The following AKAP13 variants were observed in gnomAD, a reference collection of about 807,000 sequenced individuals.
AKAP13 encodes the protein A-kinase anchor protein 13.
A neutral mutation model predicts 264.5 loss-of-function variants in AKAP13; 80 were observed. The ratio of observed to expected loss-of-function variants is 0.30; its 90% CI spans 0.25 to 0.36. The LOEUF (loss-of-function observed/expected upper bound fraction) is 0.36, where lower values mean the gene tolerates loss of function less well. AKAP13 is among the 10% of genes least tolerant of loss of function. The pLI is 1.00. For synonymous variants in AKAP13, 1,380 were observed against 1,250.2 expected (o/e 1.10, Z -2.19); for missense variants, 3,712 against 3,435.2 (o/e 1.08, Z -2.01).
chr15:85,712,026 G>T (rs984147568), intron 19 of AKAP13, among the ~76,000 whole-genome samples: 1 of 152,210 alleles, frequency 6.6e-6, no homozygotes, highest in South Asian at 2.1e-4. Context: ...TAGAGACGGG[G>T]TCTCACTACG....
intron 1 of AKAP13, among the ~76,000 whole-genome samples, chr15:85,416,285 C>T (rs188771629): frequency 2.0e-5 from 3 of 152,192 alleles, no homozygotes; most frequent in Admixed American, 2.0e-4. Flanking sequence ...TAAAAGATGT[C>T]CTGTTTCAGT....
intron 35 of AKAP13, among the ~76,000 whole-genome samples, chr15:85,742,739 C>T (rs2089127329): frequency 3.3e-5 from 5 of 152,188 alleles, no homozygotes; most frequent in Admixed American, 3.3e-4. Context: ...CCTGGGTGTA[C>T]ACAGATCTGC....
chr15:85,673,223 G>T (rs2084015605), intron 14 of AKAP13, among the ~76,000 whole-genome samples: 3 of 152,140 alleles, frequency 2.0e-5, no homozygotes, highest in African/African-American at 7.2e-5. Context: ...AAAATCTACT[G>T]ATGTAAAGGA....
At chr15:85,398,083 TC>T (rs1399920634) in intron 1 of AKAP13, among the ~76,000 whole-genome samples, 2 of 152,208 alleles carry the variant, frequency 1.3e-5, no homozygotes, top group African/African-American at 4.8e-5. Context: ...TGAACATGGA[TC>T]TTACTCTAGA....
At chr15:85,558,131 A>T (rs888187146) in intron 5 of AKAP13, among the ~76,000 whole-genome samples, 1 of 152,228 alleles carries the variant, frequency 6.6e-6, no homozygotes, top group African/African-American at 2.4e-5. Flanking sequence ...AGTTAAAAAA[A>T]ATCTGATCGC....
At position 85,521,560 on chromosome 15, in the gene AKAP13, G is replaced by A. The variant is rs750576509; in HGVS notation, c.166G>A (p.Glu56Lys). The A allele has an allele frequency of 1.2e-6, 2 of 1,613,980 alleles. No homozygotes were observed. The highest frequency in any genetic ancestry group is 3.3e-5 in the Admixed American group (2 of 60,000). ...STRKVSSDTL[E>K]TIAPGHDCCE... is the part of the protein sequence containing the mutation. ...TCGGAAGGTCAGTTCTGATACATTG[G>A]AGACCATTGCTCCTGGTAAGTATTT... Residue 56 changes from glutamate (E) to lysine (K), a missense_variant, in exon 3 of 37, where the codon GAG (glutamate) becomes AAG (lysine). By Grantham distance (56) the Glu-to-Lys change is moderately conservative. This residue lies in a region of AKAP13 where 2,759 missense variants were observed against 2,411.7 expected (regional missense o/e 1.14). Transcript: ENST00000394518.
rs186351542 is a variant in AKAP13 at position 85,746,533 on chromosome 15, C to G, written c.*1856C>G. 3.5e-4 allele frequency: 53 copies of G among 152,030 alleles called. No individual in the cohort carries two copies. The highest frequency in any genetic ancestry group is 9.2e-4 in the African/African-American group (38 of 41,478). The allele number at this position is 152,030 out of a possible 1,614,324, so 9.4% of individuals were successfully genotyped here. A position where few individuals can be genotyped will look rare whatever the true frequency, so the allele number is the denominator to read the frequency against. On this transcript the variant is annotated 3_prime_UTR_variant, in exon 37 of 37. Coordinates refer to ENST00000394518, the MANE Select transcript of AKAP13 (RefSeq NM_007200.5). The stretch of plus-strand genomic sequence containing the variant: ...TCCCTTGTTTGAGAATGAAGAAACT[C>G]GCCACCTCTGACCTACCTTTGCCTT...
At chr15:85,479,055 G>A (rs1165652809) in intron 1 of AKAP13, among the ~76,000 whole-genome samples, 1 of 152,222 alleles carries the variant, frequency 6.6e-6, no homozygotes, top group Non-Finnish European at 1.5e-5. Context: ...AAGCATTCAT[G>A]AGGGTCTTGT....
chr15:85,581,541 A>G lies in AKAP13; in HGVS notation c.3473A>G (p.Glu1158Gly), dbSNP rs2079142318. Reference protein sequence around the residue: ...GTPEMIPLDWEKGKLEGADHS... With the variant: ...GTPEMIPLDWGKGKLEGADHS... ...CCAGAGATGATACCTCTTGATTGGG[A>G]GAAAGGGAAGCTGGAGGGAGCAGAC... Residue 1158 changes from glutamate to glycine, a missense_variant, in exon 7 of 37, where the codon GAG (glutamate) becomes GGG (glycine). By Grantham distance (98) the Glu-to-Gly change is moderately conservative. Around this residue, in one of 3 missense-constraint regions of AKAP13, gnomAD observed 2,759 missense variants for 2,411.7 expected, o/e 1.14. Transcript: ENST00000394518. 3 of 1,613,998 alleles carry G rather than the reference A, an allele frequency of 1.9e-6. No homozygotes were observed. Among genetic ancestry groups the G allele is most frequent in the Non-Finnish European group, 2.5e-6 (3 of 1,180,016 alleles).
chr15:85,632,838 G>C (rs2081902079), intron 8 of AKAP13, among the ~76,000 whole-genome samples: 1 of 151,040 alleles, frequency 6.6e-6, no homozygotes, highest in Non-Finnish European at 1.5e-5. Flanking sequence ...ATGTGGTATT[G>C]AGAAGGTAAT....
chr15:85,595,263 C>T (rs1354256485), intron 8 of AKAP13, among the ~76,000 whole-genome samples: 1 of 152,024 alleles, frequency 6.6e-6, no homozygotes, highest in African/African-American at 2.4e-5. Flanking sequence ...CCACACCTAG[C>T]TAATTTTTAA....
At chr15:85,665,759 A>G (rs1269238968) in intron 13 of AKAP13, among the ~76,000 whole-genome samples, 1 of 151,992 alleles carries the variant, frequency 6.6e-6, no homozygotes, top group Non-Finnish European at 1.5e-5. Flanking sequence ...GTTCCCACCT[A>G]TGAGTGAGAA....
chr15:85,673,396 G>T (rs7180463), intron 14 of AKAP13, among the ~76,000 whole-genome samples: 1 of 152,050 alleles, frequency 6.6e-6, no homozygotes, highest in African/African-American at 2.4e-5. Context: ...TATGATGAGC[G>T]TGACTTGCCG....
At chr15:85,501,070 TAAA>T (rs2076025213) in intron 2 of AKAP13, among the ~76,000 whole-genome samples, 1 of 152,220 alleles carries the variant, frequency 6.6e-6, no homozygotes, top group Non-Finnish European at 1.5e-5. Context: ...CGGAATTTGT[TAAA>T]GAAGGCCAGG....
Position 85,635,211 on chromosome 15 carries a change from A to G in AKAP13, c.4162-4163A>G, listed in dbSNP as rs2082020182. 3 of 397,212 alleles carry G rather than the reference A, an allele frequency of 7.6e-6. No homozygotes were observed. In the East Asian group the frequency reaches 1.1e-4, roughly 14 times the overall value. 24.6% of individuals were successfully genotyped at this position (397,212 alleles called of 1,614,324 possible). A position where few individuals can be genotyped will look rare whatever the true frequency, so the allele number is the denominator to read the frequency against. Reference sequence around the variant, plus strand: ...CAGTACTGTGTTCTAGTTGCTCCACATCTTTGCCAACATTTGGTATTATCA... The same window carrying G: ...CAGTACTGTGTTCTAGTTGCTCCACGTCTTTGCCAACATTTGGTATTATCA... On this transcript the variant is annotated intron_variant, in intron 8 of 36. Transcript: ENST00000394518.
intron 1 of AKAP13, among the ~76,000 whole-genome samples, chr15:85,385,950 C>T (rs1297163404): frequency 1.8e-4 from 28 of 151,736 alleles, no homozygotes; most frequent in Non-Finnish European, 8.8e-5. Context: ...CTTAACCTCC[C>T]GAGTAGCTGG....
chr15:85,501,749 C>G (rs571245214), intron 2 of AKAP13, among the ~76,000 whole-genome samples: 1 of 152,326 alleles, frequency 6.6e-6, no homozygotes, highest in African/African-American at 2.4e-5. Context: ...AGTTAGAATT[C>G]AAACCAGACC....
In AKAP13 at chr15:85,451,270, A is replaced by G. The variant is rs185976608; in HGVS notation, c.-11-34440A>G. 1.6e-4 allele frequency among the ~76,000 whole-genome samples: 24 copies of G among 152,262 alleles called. No homozygotes were observed. In the East Asian group the frequency reaches 3.5e-3, roughly 22 times the overall value. On this transcript the variant is annotated intron_variant, in intron 1 of 36. Transcript: ENST00000394518. Reference sequence around the variant, plus strand: ...TTATTTTGAGCCTAGGAGTTTCACTATGAGTGAGATGGGTCTCTTGAAGAC... The same window carrying G: ...TTATTTTGAGCCTAGGAGTTTCACTGTGAGTGAGATGGGTCTCTTGAAGAC...
At chr15:85,692,299 G>A (rs1487314482) in intron 16 of AKAP13, among the ~76,000 whole-genome samples, 1 of 152,158 alleles carries the variant, frequency 6.6e-6, no homozygotes, top group African/African-American at 2.4e-5. Context: ...GCATTATTGT[G>A]TATTCACTGT....
Sources: gnomAD v4.1 joint callset for allele counts (sites outside exome capture counted in the v4.1 genomes callset) on GRCh38, gnomAD v4.1.1 for gene constraint, gnomAD v4.1.1 regional missense constraint, MANE v1.5 for transcripts, NCBI Gene and HGNC (gene_info 2026-07-23, HGNC 2026-07-21) for gene names.